KHDC1: variants seen among roughly 807,000 people sequenced by gnomAD.
KHDC1 encodes the protein KH domain containing 1.
A neutral mutation model predicts 24.7 loss-of-function variants in KHDC1; 21 were observed. That is an observed-to-expected ratio of 0.85 (90% CI 0.60 to 1.23). The LOEUF (loss-of-function observed/expected upper bound fraction) is 1.23, where lower values mean the gene tolerates loss of function less well. Ranked by LOEUF, KHDC1 falls within the 50% of genes most tolerant of loss-of-function variation. The probability of loss-of-function intolerance (pLI) is 0.00; values close to 1 mark genes in which losing one functional copy is unlikely to be tolerated. For missense variants in KHDC1, 274 were observed against 298.5 expected, an observed-to-expected ratio of 0.92 and a Z score of 0.61; for synonymous variants, 98 against 111.7, an observed-to-expected ratio of 0.88 and a Z score of 0.77.
intron 2 of KHDC1, among the ~76,000 whole-genome samples, chr6:73,248,523 G>C (rs982251647): frequency 4.6e-5 from 7 of 152,106 alleles, no homozygotes; most frequent in Non-Finnish European, 8.8e-5. Flanking sequence ...GAAGTAAACA[G>C]AAAGATTTCT....
chr6:73,281,746 T>G (rs1005805431), intron 2 of KHDC1, among the ~76,000 whole-genome samples: 1 of 152,180 alleles, frequency 6.6e-6, no homozygotes, highest in African/African-American at 2.4e-5. Flanking sequence ...TACTTTATTC[T>G]GATTTCCTTA....
chr6:73,301,798 CT>C (rs895862120), intron 1 of KHDC1, among the ~76,000 whole-genome samples: 7 of 148,602 alleles, frequency 4.7e-5, no homozygotes, highest in Admixed American at 2.0e-4. Context: ...GTCCAGCTAA[CT>C]TTTTTTTTTA....
intron 2 of KHDC1, among the ~76,000 whole-genome samples, chr6:73,280,179 G>T (rs376425063): frequency 9.2e-5 from 14 of 151,700 alleles, no homozygotes; most frequent in African/African-American, 2.2e-4. Flanking sequence ...TATTTTTGAG[G>T]AGACAGTCTC....
rs1022653206 is a variant in KHDC1, at chr6:73,251,900, C to T, written c.207-9370G>A. Among the ~76,000 whole-genome samples, 15 of 151,400 alleles carry T rather than the reference C, an allele frequency of 9.9e-5. No homozygotes were observed. In the East Asian group the frequency reaches 1.2e-3, roughly 12 times the overall value. On this transcript the variant is annotated intron_variant, in intron 2 of 4. Transcript: ENST00000370384. ...GCACCCTCAGCCTCCCGGGCTCATTCGATCCTCCCATTTCAGCCTCCTGAG... is the reference window on the plus strand; with the variant it reads ...GCACCCTCAGCCTCCCGGGCTCATTTGATCCTCCCATTTCAGCCTCCTGAG...
chr6:73,301,309 T>C (rs1340516599), intron 1 of KHDC1: 2 of 152,198 alleles, frequency 1.3e-5, no homozygotes, highest in South Asian at 2.1e-4. Context: ...CAACAATATA[T>C]TATTTACAAT....
intron 2 of KHDC1, among the ~76,000 whole-genome samples, chr6:73,265,856 G>T (rs1474884510): frequency 6.6e-6 from 1 of 152,094 alleles, no homozygotes; most frequent in Non-Finnish European, 1.5e-5. Flanking sequence ...GGAGGCAAAG[G>T]TGGGAGGATT....
intron 2 of KHDC1, among the ~76,000 whole-genome samples, chr6:73,254,683 A>G (rs1304511644): frequency 2.6e-5 from 4 of 152,072 alleles, no homozygotes; most frequent in African/African-American, 9.7e-5. Flanking sequence ...TTATCTGAGA[A>G]CTAAGGATAC....
intron 2 of KHDC1, among the ~76,000 whole-genome samples, chr6:73,265,031 T>C (rs1269548163): frequency 6.6e-6 from 1 of 150,952 alleles, no homozygotes; most frequent in Non-Finnish European, 1.5e-5. Flanking sequence ...AAGGAGTCAT[T>C]CAGCCCTTAC....
chr6:73,262,816 A>G (rs1767004908), intron 2 of KHDC1: 1 of 985,578 alleles, frequency 1.0e-6, no homozygotes, highest in Non-Finnish European at 1.2e-6. Flanking sequence ...CACTGACTCA[A>G]CCAATGAGGA....
chr6:73,298,423 ATTTTTTTTTT>A (rs370446904), intron 1 of KHDC1, among the ~76,000 whole-genome samples: 8 of 59,976 alleles, frequency 1.3e-4, no homozygotes, highest in African/African-American at 1.5e-4. Flanking sequence ...TACTTTGCAA[ATTTTTTTTTT>A]TTTTTTTTTT....
rs559507409 is a variant in KHDC1, at chr6:73,298,655, T to A, written c.164-6615A>T. 4.6e-4 allele frequency among the ~76,000 whole-genome samples: 70 copies of A among 151,734 alleles called. 1 individual carries two copies. Among genetic ancestry groups the A allele is most frequent in the African/African-American group, 1.7e-3 (70 of 41,362 alleles). On this transcript the variant is annotated intron_variant, in intron 1 of 4. Coordinates refer to ENST00000370384, the Ensembl canonical transcript of KHDC1. ...TTCACCATGTCCGTCAGGGTCAGGA[T>A]CACCTGACCTCAGGTGACCCACCTG...
chr6:73,291,955 T>G, intron 2 of KHDC1: 1 of 1,609,060 alleles, frequency 6.2e-7, no homozygotes, highest in Non-Finnish European at 8.5e-7. Flanking sequence ...TCCCTTTTTT[T>G]GGTAAGATGG....
intron 2 of KHDC1, among the ~76,000 whole-genome samples, chr6:73,286,842 C>T (rs62438242): frequency 0.11 from 15,865 of 149,802 alleles, 854 homozygotes; most frequent in African/African-American, 0.12. Context: ...GAGTTCATGC[C>T]ACTGCACTCC....
intron 1 of KHDC1, chr6:73,293,135 C>A: frequency 1.3e-6 from 1 of 793,314 alleles, no homozygotes; most frequent in South Asian, 1.3e-5. Context: ...AATGTACTCT[C>A]ACCCTATCAG....
intron 2 of KHDC1, among the ~76,000 whole-genome samples, chr6:73,257,350 C>A (rs1435748960): frequency 6.6e-6 from 1 of 152,124 alleles, no homozygotes; most frequent in African/African-American, 2.4e-5. Context: ...TTTGGGGATT[C>A]TCTAACAATA....
At chr6:73,267,176 A>G (rs1317443476) in intron 2 of KHDC1, among the ~76,000 whole-genome samples, 1 of 146,290 alleles carries the variant, frequency 6.8e-6, no homozygotes, top group Non-Finnish European at 1.5e-5. Context: ...ACCCATTAGA[A>G]TGGCTGTCAT....
At chr6:73,291,344 G>A (rs139574631) in intron 2 of KHDC1, 101 of 207,124 alleles carry the variant, frequency 4.9e-4, no homozygotes, top group African/African-American at 2.0e-3. Context: ...AAGAAAACAC[G>A]AACAGCTGAA....
At chr6:73,289,186 TAGAC>T (rs571230388) in intron 2 of KHDC1, among the ~76,000 whole-genome samples, 173 of 150,328 alleles carry the variant, frequency 1.2e-3, no homozygotes, top group Non-Finnish European at 1.9e-3. Flanking sequence ...ATACAAAAAT[TAGAC>T]AGGCATGGTG....
intron 2 of KHDC1, chr6:73,290,879 G>A (rs1375006806): frequency 8.3e-6 from 3 of 359,642 alleles, no homozygotes; most frequent in African/African-American, 2.1e-5. Context: ...GAGCTATGTG[G>A]ATATTGTCAT....
Sources: gnomAD v4.1 joint callset for allele counts (sites outside exome capture counted in the v4.1 genomes callset) on GRCh38, gnomAD v4.1.1 for gene constraint, MANE v1.5 for transcripts, NCBI Gene and HGNC (gene_info 2026-07-23, HGNC 2026-07-21) for gene names.